DOCK8: variants seen among roughly 807,000 people sequenced by gnomAD.
DOCK8 encodes the protein dedicator of cytokinesis protein 8.
DOCK8 carries 141 observed loss-of-function variants against 245.6 expected under a neutral mutation model. The ratio of observed to expected loss-of-function variants is 0.57; its 90% confidence interval spans 0.50 to 0.66. The LOEUF is 0.66. DOCK8 is among the 30% of genes least tolerant of loss of function. The pLI, the probability that DOCK8 is intolerant of heterozygous loss-of-function variation, is 0.00. For missense variants in DOCK8, 2,965 were observed against 2,603.4 expected, an observed-to-expected ratio of 1.14 and a Z score of -3.02; for synonymous variants, 1,168 against 970.2, an observed-to-expected ratio of 1.20 and a Z score of -3.79.
At chr9:447,616 A>G (rs1035548466) in intron 44 of DOCK8, among the ~76,000 whole-genome samples, 2 of 152,230 alleles carry the variant, frequency 1.3e-5, no homozygotes, top group Non-Finnish European at 2.9e-5. Context: ...CTTGGTTTTC[A>G]TAGAAAGAAA....
intron 38 of DOCK8, 97 bp from the exon 39 acceptor site, chr9:434,686 C>G: frequency 7.5e-7 from 1 of 1,324,870 alleles, no homozygotes; most frequent in Non-Finnish European, 1.1e-6. Flanking sequence ...GTACAGGGAA[C>G]TCTTGGGGAG....
chr9:238,515 C>T (rs1003361273), intron 1 of DOCK8, among the ~76,000 whole-genome samples: 1 of 152,064 alleles, frequency 6.6e-6, no homozygotes, highest in South Asian at 2.1e-4. Flanking sequence ...ACAACAGGCA[C>T]CATAATAATG....
In DOCK8 at chr9:385,157, CTTAAAA is replaced by C. The variant is rs1355006151; in HGVS notation, c.2779-1168_2779-1163del. On this transcript the variant is annotated intron_variant, in intron 22 of 47. Coordinates refer to ENST00000432829, the MANE Select transcript of DOCK8 (RefSeq NM_203447.4). The stretch of plus-strand genomic sequence containing the variant: ...CATTGTTAAAATTAAATCGTATAAA[CTTAAAA>C]TTAAATAAGTTATATTAAAAACAAA... 8.5e-5 allele frequency among the ~76,000 whole-genome samples: 13 copies of C among 152,164 alleles called. No individual in the cohort carries two copies. In the East Asian group the frequency reaches 1.9e-3, roughly 23 times the overall value.
At chr9:272,575 AG>A (rs1441494799) in intron 2 of DOCK8, among the ~76,000 whole-genome samples, 13 of 152,032 alleles carry the variant, frequency 8.6e-5, no homozygotes, top group Admixed American at 2.6e-4. Context: ...TTGTAGAGAC[AG>A]GGGTCTCGCT....
intron 14 of DOCK8, among the ~76,000 whole-genome samples, chr9:359,427 A>T (rs2052614414): frequency 6.6e-6 from 1 of 152,168 alleles, no homozygotes; most frequent in Admixed American, 6.5e-5. Flanking sequence ...GATGCTTGTA[A>T]CAGTGCCTGC....
chr9:387,652 G>A (rs7855072), intron 23 of DOCK8, among the ~76,000 whole-genome samples: 28,322 of 152,048 alleles, frequency 0.19, 8,179 homozygotes, highest in African/African-American at 0.62. Context: ...AGTATTCCAG[G>A]CACCATATGT....
chr9:419,479 G>A (rs934095523), intron 30 of DOCK8, among the ~76,000 whole-genome samples: 2 of 152,130 alleles, frequency 1.3e-5, no homozygotes, highest in Non-Finnish European at 2.9e-5. Context: ...AAAGCCCAAA[G>A]TTCACCTGTT....
At chr9:420,313 T>G in intron 30 of DOCK8, 88 bp from the exon 31 acceptor site, 1 of 1,423,536 alleles carries the variant, frequency 7.0e-7, no homozygotes, top group Non-Finnish European at 9.9e-7. Flanking sequence ...ACACTTTGAA[T>G]TTTTCTGTTG....
intron 30 of DOCK8, among the ~76,000 whole-genome samples, chr9:419,036 G>A (rs2056161035): frequency 6.6e-6 from 1 of 152,178 alleles, no homozygotes; most frequent in South Asian, 2.1e-4. Flanking sequence ...GGGCTCCTCT[G>A]GGAATGTATC....
chr9:420,380 C>A, intron 30 of DOCK8, 21 bp from the exon 31 acceptor site: 2 of 1,613,958 alleles, frequency 1.2e-6, no homozygotes, highest in Middle Eastern at 1.7e-4. Flanking sequence ...GGCCTCCATC[C>A]CCCAATCTGC....
At chr9:394,306 C>T (rs1177528937) in intron 24 of DOCK8, among the ~76,000 whole-genome samples, 2 of 152,196 alleles carry the variant, frequency 1.3e-5, no homozygotes, top group Non-Finnish European at 2.9e-5. Flanking sequence ...AAACTATCAT[C>T]CCCCAGCCAG....
intron 24 of DOCK8, among the ~76,000 whole-genome samples, chr9:391,569 A>AT (rs910731176): frequency 6.6e-6 from 1 of 152,150 alleles, no homozygotes; most frequent in Non-Finnish European, 1.5e-5. Flanking sequence ...AGTGATAACT[A>AT]TTTTTTTGTT....
chr9:220,054 G>T (rs1400131882), intron 1 of DOCK8, among the ~76,000 whole-genome samples: 7 of 152,358 alleles, frequency 4.6e-5, no homozygotes, highest in African/African-American at 1.7e-4. Context: ...TCTGCAGTGA[G>T]AGCAGAGCTG....
At chr9:359,803 CA>C (rs67236172) in intron 14 of DOCK8, among the ~76,000 whole-genome samples, 7,492 of 108,394 alleles carry the variant, frequency 0.069, 149 homozygotes, top group African/African-American at 0.14. Context: ...TCTGTCTTTG[CA>C]AAAAAAAAAA....
chr9:250,586 G>C (rs755930584), intron 1 of DOCK8, among the ~76,000 whole-genome samples: 1 of 152,012 alleles, frequency 6.6e-6, no homozygotes, highest in Non-Finnish European at 1.5e-5. Flanking sequence ...TTGCTTACCC[G>C]GAACCTTCCA....
intron 1 of DOCK8, among the ~76,000 whole-genome samples, chr9:238,904 AC>A (rs1192347439): frequency 7.2e-5 from 11 of 152,156 alleles, no homozygotes; most frequent in Admixed American, 7.2e-4. Flanking sequence ...CAAGTTTGGA[AC>A]CCACCCTGGC....
chr9:438,948 C>T lies in DOCK8; in HGVS notation c.5080-297C>T, dbSNP rs567585974. The stretch of plus-strand genomic sequence containing the variant: ...AAACCAGGACACCAGCCCTATGTCC[C>T]TTAGGGTTGTTTCACTAAAGTAACT... On this transcript the variant is annotated intron_variant, in intron 39 of 47. Coordinates refer to ENST00000432829, the MANE Select transcript of DOCK8 (RefSeq NM_203447.4). 2.1e-4 allele frequency among the ~76,000 whole-genome samples: 32 copies of T among 152,308 alleles called. No individual in the cohort carries two copies. The South Asian group carries it at 6.6e-3, about 32-fold the overall frequency.
At chr9:369,791 T>C (rs12115658) in intron 15 of DOCK8, 12,875 of 241,932 alleles carry the variant, frequency 0.053, 637 homozygotes, top group African/African-American at 0.15. Flanking sequence ...CTTGGGCCAG[T>C]TGTAGTCCCA....
intron 18 of DOCK8, among the ~76,000 whole-genome samples, chr9:373,938 A>G (rs1240807246): frequency 6.6e-6 from 1 of 152,180 alleles, no homozygotes; most frequent in Non-Finnish European, 1.5e-5. Flanking sequence ...TTTTTAAGCT[A>G]TAGGAAAGAC....
Sources: gnomAD v4.1 joint callset for allele counts (sites outside exome capture counted in the v4.1 genomes callset) on GRCh38, gnomAD v4.1.1 for gene constraint, MANE v1.5 for transcripts, NCBI Gene and HGNC (gene_info 2026-07-23, HGNC 2026-07-21) for gene names.